The following MECOM variants were observed in gnomAD, a reference collection of about 807,000 sequenced individuals.
The protein encoded by MECOM is histone-lysine N-methyltransferase MECOM.
Under a neutral mutation model 116.3 loss-of-function variants are expected in MECOM, and 13 were observed. That is an observed-to-expected ratio of 0.11 (90% CI 0.07 to 0.18). The LOEUF (loss-of-function observed/expected upper bound fraction) is 0.18, where lower values mean the gene tolerates loss of function less well. Among genes scored for constraint, MECOM ranks in the 10% least tolerant of loss-of-function variants. The pLI is 1.00. For synonymous variants in MECOM, 528 were observed against 535.2 expected (o/e 0.99, Z 0.19); for missense variants, 1,299 against 1,509.0 (o/e 0.86, Z 2.31).
intron 1 of MECOM, among the ~76,000 whole-genome samples, chr3:169,506,688 A>G (rs1465761517): frequency 6.6e-6 from 1 of 152,190 alleles, no homozygotes; most frequent in Admixed American, 6.5e-5. Context: ...TAATTCTGTA[A>G]GATGCTTCTC....
At chr3:169,477,844 A>C (rs1166539821) in intron 1 of MECOM, among the ~76,000 whole-genome samples, 2 of 152,238 alleles carry the variant, frequency 1.3e-5, no homozygotes, top group African/African-American at 4.8e-5. Flanking sequence ...TTATCTTCAG[A>C]ACCTGTAAAA....
chr3:169,344,334 T>C (rs117917368), intron 2 of MECOM, among the ~76,000 whole-genome samples: 1,614 of 152,274 alleles, frequency 0.011, 11 homozygotes, highest in East Asian at 0.043. Flanking sequence ...GTTTCCCAGA[T>C]AGAGCTAAAT....
intron 2 of MECOM, among the ~76,000 whole-genome samples, chr3:169,310,123 A>G (rs1289853441): frequency 6.6e-6 from 1 of 152,210 alleles, no homozygotes; most frequent in East Asian, 1.9e-4. Context: ...CCCTTGAGCC[A>G]TTTTGCAATT....
At chr3:169,340,656 C>T (rs1724343151) in intron 2 of MECOM, among the ~76,000 whole-genome samples, 1 of 152,152 alleles carries the variant, frequency 6.6e-6, no homozygotes, top group Non-Finnish European at 1.5e-5. Flanking sequence ...GAAAAACATG[C>T]ACCAGATATA....
At position 169,100,979 on chromosome 3, in the gene MECOM, T is replaced by C. The variant is rs1469801954; in HGVS notation, c.2772-17A>G. ...CCACAGTATCTGTTATGAAAAGATG[T>C]TTATAAGAGAAAGTCAGCACAGTTG... On this transcript the variant is annotated splice_polypyrimidine_tract_variant and intron_variant, in intron 11 of 16. Transcript: ENST00000651503. 1 of 1,595,006 alleles carries C rather than the reference T, an allele frequency of 6.3e-7. No homozygotes were observed. Among genetic ancestry groups the C allele is most frequent in the Non-Finnish European group, 8.6e-7 (1 of 1,165,772 alleles).
intron 1 of MECOM, among the ~76,000 whole-genome samples, chr3:169,486,664 T>C (rs1752420168): frequency 6.6e-6 from 1 of 152,106 alleles, no homozygotes; most frequent in Non-Finnish European, 1.5e-5. Context: ...GGCTATCTCC[T>C]GGGATTTAGG....
chr3:169,146,484 C>G lies in MECOM; in HGVS notation c.376-2652G>C, dbSNP rs778600431. On this transcript the variant is annotated intron_variant, in intron 2 of 16. Coordinates refer to ENST00000651503, the MANE Select transcript of MECOM (RefSeq NM_004991.4). ...GCCGGCAGAGAAACCCACCGAAGGCCGGACGACCCACCCCGGAGACGTGTC... is the reference window on the plus strand; with the variant it reads ...GCCGGCAGAGAAACCCACCGAAGGCGGGACGACCCACCCCGGAGACGTGTC... 17 of 1,382,468 alleles carry G rather than the reference C, an allele frequency of 1.2e-5. No homozygotes were observed. The Middle Eastern group carries it at 1.2e-3, about 98-fold the overall frequency. 85.6% of individuals were successfully genotyped at this position (1,382,468 alleles called of 1,614,324 possible).
intron 1 of MECOM, among the ~76,000 whole-genome samples, chr3:169,652,761 T>A (rs1775073497): frequency 6.6e-6 from 1 of 152,198 alleles, no homozygotes. Context: ...ATCATAAAAG[T>A]GCATTTAAAT....
chr3:169,596,957 A>G (rs1767217997), intron 1 of MECOM, among the ~76,000 whole-genome samples: 1 of 152,170 alleles, frequency 6.6e-6, no homozygotes, highest in African/African-American at 2.4e-5. Flanking sequence ...GTTTAAAAAG[A>G]AAAAGTTTCT....
At chr3:169,388,789 T>C (rs909522038) in intron 1 of MECOM, among the ~76,000 whole-genome samples, 4 of 152,202 alleles carry the variant, frequency 2.6e-5, no homozygotes, top group Non-Finnish European at 4.4e-5. Flanking sequence ...CAACATGGCT[T>C]GGCACTAGAA....
intron 1 of MECOM, among the ~76,000 whole-genome samples, chr3:169,382,879 A>AAAAAAAAAG (rs1358767356): frequency 7.2e-6 from 1 of 138,518 alleles, no homozygotes; most frequent in African/African-American, 2.7e-5. Context: ...AAAAATAAAA[A>AAAAAAAAAG]AAGAAGGTAA....
intron 13 of MECOM, among the ~76,000 whole-genome samples, chr3:169,094,828 C>T (rs1436539338): frequency 6.6e-6 from 1 of 152,148 alleles, no homozygotes; most frequent in African/African-American, 2.4e-5. Context: ...AGGTCATTGT[C>T]CTCTTTGCTT....
At chr3:169,360,290 T>TAAAAAAAAAA (rs1203615730) in intron 2 of MECOM, among the ~76,000 whole-genome samples, 6 of 29,422 alleles carry the variant, frequency 2.0e-4, no homozygotes, top group East Asian at 1.2e-3. Context: ...TAAAGTATAA[T>TAAAAAAAAAA]AAAAAAAAAA....
intron 2 of MECOM, among the ~76,000 whole-genome samples, chr3:169,171,477 A>ATTGT (rs1044483124): frequency 7.2e-5 from 11 of 152,164 alleles, no homozygotes; most frequent in Non-Finnish European, 1.5e-4. Context: ...AATTAGAAAT[A>ATTGT]TTGTTTTATG....
At chr3:169,593,565 C>CT (rs1680504345) in intron 1 of MECOM, among the ~76,000 whole-genome samples, 1 of 152,154 alleles carries the variant, frequency 6.6e-6, no homozygotes, top group South Asian at 2.1e-4. Flanking sequence ...TCAATGCTAT[C>CT]TGAGAGCTAT....
At chr3:169,618,599 G>A (rs767947592) in intron 1 of MECOM, among the ~76,000 whole-genome samples, 4 of 151,778 alleles carry the variant, frequency 2.6e-5, no homozygotes, top group Admixed American at 6.6e-5. Flanking sequence ...GGAGGTTGCA[G>A]TGAGCCGAGA....
At chr3:169,112,475 C>A (rs1727735635) in intron 9 of MECOM, among the ~76,000 whole-genome samples, 1 of 152,118 alleles carries the variant, frequency 6.6e-6, no homozygotes, top group Non-Finnish European at 1.5e-5. Context: ...CAGCAACCAC[C>A]ACACACAAAA....
intron 1 of MECOM, among the ~76,000 whole-genome samples, chr3:169,592,852 T>C (rs547179216): frequency 9.9e-5 from 15 of 152,164 alleles, no homozygotes; most frequent in Non-Finnish European, 2.2e-4. Flanking sequence ...TACACATGGA[T>C]ACATACTTAT....
chr3:169,532,751 C>T lies in MECOM; in HGVS notation c.37+130585G>A, dbSNP rs1576750157. 3.3e-5 allele frequency among the ~76,000 whole-genome samples: 5 copies of T among 152,220 alleles called. No individual in the cohort carries two copies. In the South Asian group the frequency reaches 1.0e-3, roughly 32 times the overall value. The stretch of plus-strand genomic sequence containing the variant: ...CTGGCTCCTCAGTTGCTTCCCCACC[C>T]GGCCCTACCCCACATGCACACACAA... On this transcript the variant is annotated intron_variant, in intron 1 of 16. Coordinates refer to ENST00000651503, the MANE Select transcript of MECOM (RefSeq NM_004991.4).
Sources: allele counts gnomAD v4.1 joint callset (sites outside exome capture counted in the v4.1 genomes callset), GRCh38; gene constraint gnomAD v4.1.1; transcripts MANE v1.5; gene names NCBI Gene and HGNC (gene_info 2026-07-23, HGNC 2026-07-21).